The following MYO1B variants were observed in gnomAD, a reference collection of about 807,000 sequenced individuals.
MYO1B encodes unconventional myosin-Ib.
In MYO1B, 72 loss-of-function variants were observed where a neutral mutation model predicts 159.7. That is an observed-to-expected ratio of 0.45 (90% CI 0.37 to 0.55). MYO1B has a LOEUF of 0.55. MYO1B is among the 20% of genes least tolerant of loss of function. The probability of loss-of-function intolerance (pLI) is 0.00; values close to 1 mark genes in which losing one functional copy is unlikely to be tolerated. For missense variants in MYO1B, 1,062 were observed against 1,364.8 expected (o/e 0.78, Z 3.50); for synonymous variants, 468 against 473.8 (o/e 0.99, Z 0.16).
intron 7 of MYO1B, among the ~76,000 whole-genome samples, chr2:191,357,352 G>A (rs1000007715): frequency 2.6e-5 from 4 of 152,274 alleles, no homozygotes; most frequent in African/African-American, 4.8e-5. Context: ...GCCAGGCTCC[G>A]TGTCGATAGT....
chr2:191,305,377 C>T (rs1689588218), intron 3 of MYO1B, among the ~76,000 whole-genome samples: 1 of 152,160 alleles, frequency 6.6e-6, no homozygotes, highest in Admixed American at 6.5e-5. Flanking sequence ...GAATATGAGG[C>T]CCTAGTCGTG....
At chr2:191,423,326 A>T in intron 30 of MYO1B, among the ~76,000 whole-genome samples, 1 of 152,222 alleles carries the variant, frequency 6.6e-6, no homozygotes, top group East Asian at 1.9e-4. Context: ...CTAAACAGAA[A>T]AAGTACAGTA....
rs780334989 is a variant in MYO1B at position 191,362,365 on chromosome 2, C to T, written c.759C>T (p.Thr253=). 12 of 1,612,814 alleles carry T rather than the reference C, an allele frequency of 7.4e-6. No individual in the cohort carries two copies. In the East Asian group the frequency reaches 1.6e-4, roughly 21 times the overall value. The change falls in exon 9 of 31, where the codon ACC becomes ACT. Residue 253 remains threonine (T), a synonymous_variant. Transcript: ENST00000392318. The part of the protein sequence containing the change: ...NGVDDAANFR[T]VRNAMQIVGF... ...TGGATGATGCAGCAAATTTTAGAAC[C>T]GTGCGGGTAAGATGTAGTACTTTCA... is the stretch of plus-strand genomic sequence containing the variant.
At chr2:191,333,310 T>C (rs1430239296) in intron 4 of MYO1B, among the ~76,000 whole-genome samples, 1 of 152,176 alleles carries the variant, frequency 6.6e-6, no homozygotes, top group Non-Finnish European at 1.5e-5. Flanking sequence ...GGGTCTAACA[T>C]GCATCTCAGA....
intron 13 of MYO1B, among the ~76,000 whole-genome samples, chr2:191,374,750 A>C (rs1409580211): frequency 6.6e-6 from 1 of 152,248 alleles, no homozygotes; most frequent in African/African-American, 2.4e-5. Context: ...CTAGCTGTAC[A>C]TCCTGGTAGA....
chr2:191,294,096 G>C (rs1688841369), intron 2 of MYO1B, among the ~76,000 whole-genome samples: 1 of 152,146 alleles, frequency 6.6e-6, no homozygotes, highest in Admixed American at 6.6e-5. Context: ...TAGAGATGCA[G>C]CTGGGGGAAA....
At chr2:191,402,374 G>A (rs554928634) in intron 23 of MYO1B, 1 of 486,026 alleles carries the variant, frequency 2.1e-6, no homozygotes, top group Admixed American at 3.6e-5. Context: ...AGGAATGGAA[G>A]TGAGGGGTGG....
intron 4 of MYO1B, among the ~76,000 whole-genome samples, chr2:191,336,057 G>T (rs376387333): frequency 6.6e-6 from 1 of 152,152 alleles, no homozygotes; most frequent in Non-Finnish European, 1.5e-5. Flanking sequence ...AAGCACTGAT[G>T]GGGGCAGGGG....
intron 11 of MYO1B, among the ~76,000 whole-genome samples, chr2:191,368,849 G>A (rs1194065926): frequency 2.6e-5 from 4 of 151,986 alleles, no homozygotes; most frequent in African/African-American, 4.8e-5. Context: ...TGGCACACAC[G>A]TGTAGTCCCA....
chr2:191,353,167 G>T (rs1221997636), intron 7 of MYO1B, among the ~76,000 whole-genome samples: 1 of 151,900 alleles, frequency 6.6e-6, no homozygotes, highest in Non-Finnish European at 1.5e-5. Flanking sequence ...AATAGAAGAT[G>T]GTAAAACATT....
At chr2:191,310,892 A>T (rs1005718351) in intron 3 of MYO1B, among the ~76,000 whole-genome samples, 1 of 152,178 alleles carries the variant, frequency 6.6e-6, no homozygotes, top group East Asian at 1.9e-4. Flanking sequence ...GTGGTGAATG[A>T]TTTAATGTTG....
intron 1 of MYO1B, chr2:191,247,809 C>G (rs1367977179): frequency 2.9e-6 from 1 of 339,676 alleles, no homozygotes; most frequent in African/African-American, 2.2e-5. Flanking sequence ...TCCTAAGTGG[C>G]TGGTCTCTGG....
At chr2:191,409,225 T>A (rs1697113830) in intron 26 of MYO1B, 47 bp downstream of exon 26, 1 of 1,577,232 alleles carries the variant, frequency 6.3e-7, no homozygotes, top group Non-Finnish European at 8.6e-7. Context: ...CTTATTTATT[T>A]TGAGTGTTTA....
Position 191,363,941 on chromosome 2 carries a change from A to G in MYO1B, c.913+66A>G, listed in dbSNP as rs578100454. 1.1e-3 allele frequency: 1,717 copies of G among 1,591,798 alleles called. 1 individual carries two copies. The highest frequency in any genetic ancestry group is 1.4e-3 in the Non-Finnish European group (1,621 of 1,160,362). On this transcript the variant is annotated intron_variant, in intron 10 of 30. Coordinates refer to ENST00000392318, the MANE Select transcript of MYO1B (RefSeq NM_001130158.3). ...TGCTTTGAACTTCTCCCCACTTTTT[A>G]ATGTAGAAAGTAAAATTTTTGCTTT...
chr2:191,402,866 A>G (rs879405466), intron 24 of MYO1B, 148 bp downstream of exon 24: 2 of 592,992 alleles, frequency 3.4e-6, no homozygotes, highest in Non-Finnish European at 5.7e-6. Context: ...CTTTTTCAGA[A>G]GAAACCTATA....
chr2:191,390,967 T>G (rs933681382), intron 18 of MYO1B, among the ~76,000 whole-genome samples: 1 of 152,240 alleles, frequency 6.6e-6, no homozygotes, highest in Non-Finnish European at 1.5e-5. Flanking sequence ...AGAGCTGGAT[T>G]AGAGAACGTA....
chr2:191,396,672 T>C (rs541954549), intron 21 of MYO1B, among the ~76,000 whole-genome samples, 175 bp downstream of exon 21: 1 of 152,304 alleles, frequency 6.6e-6, no homozygotes, highest in South Asian at 2.1e-4. Context: ...GGTGACCATG[T>C]CTTGGCCACT....
At chr2:191,310,627 T>C (rs1028561112) in intron 3 of MYO1B, among the ~76,000 whole-genome samples, 5 of 152,222 alleles carry the variant, frequency 3.3e-5, no homozygotes, top group Non-Finnish European at 5.9e-5. Flanking sequence ...GAGTTGAGAA[T>C]GTAGAGCTAT....
At chr2:191,416,392 C>G (rs1348949521) in intron 30 of MYO1B, 150 bp downstream of exon 30, 26 of 880,508 alleles carry the variant, frequency 3.0e-5, no homozygotes. Flanking sequence ...CAGTGAATGA[C>G]ACTGACCAAG....
Sources: gnomAD v4.1 joint callset for allele counts (sites outside exome capture counted in the v4.1 genomes callset) on GRCh38, gnomAD v4.1.1 for gene constraint, MANE v1.5 for transcripts, NCBI Gene and HGNC (gene_info 2026-07-23, HGNC 2026-07-21) for gene names.